The following RIPK4 variants were observed in gnomAD, a reference collection of about 807,000 sequenced individuals.
RIPK4 encodes receptor-interacting serine/threonine-protein kinase 4.
RIPK4 carries 17 observed loss-of-function variants against 42.9 expected under a neutral mutation model. The observed-to-expected ratio is 0.40, with a 90% CI of 0.27 to 0.59. The LOEUF (loss-of-function observed/expected upper bound fraction) is 0.59, where lower values mean the gene tolerates loss of function less well. Among genes scored for constraint, RIPK4 ranks in the 20% least tolerant of loss-of-function variants. The probability of loss-of-function intolerance (pLI) is 0.47; values close to 1 mark genes in which losing one functional copy is unlikely to be tolerated. For missense variants in RIPK4, 897 were observed against 1,104.4 expected (o/e 0.81, Z 2.66); for synonymous variants, 498 against 499.1 (o/e 1.00, Z 0.03).
chr21:41,746,028 C>CA lies in RIPK4; in HGVS notation c.833-167dup, dbSNP rs781053701. ...GGCCCTACATGGACAATTTGCTGGC[C>CA]AAACCCAGGCCCCCCCATCGGTAAT... On this transcript the variant is annotated intron_variant, in intron 5 of 7. Transcript: ENST00000332512. The CA allele has an allele frequency of 1.4e-5, 10 of 731,738 alleles. No individual in the cohort carries two copies. In the African/African-American group the frequency reaches 1.5e-4, roughly 11 times the overall value. 45.3% of individuals were successfully genotyped at this position (731,738 alleles called of 1,614,324 possible).
At chr21:41,765,896 T>C (rs2061234714) in intron 1 of RIPK4, among the ~76,000 whole-genome samples, 1 of 152,228 alleles carries the variant, frequency 6.6e-6, no homozygotes, top group Admixed American at 6.5e-5. Context: ...AAAGAGGTAC[T>C]GTTCAAGAAC....
rs535724085 is a variant in RIPK4, at chr21:41,759,526, G to T, written c.183-2710C>A. Among the ~76,000 whole-genome samples the T allele has an allele frequency of 5.3e-5, 8 of 152,306 alleles. No individual in the cohort carries two copies. In the South Asian group the frequency reaches 1.7e-3, roughly 32 times the overall value. On this transcript the variant is annotated intron_variant, in intron 1 of 7. Transcript: ENST00000332512. ...CAGGCCACGCAAGGCAGCTGGCTGG[G>T]GTGGCCTCCAGACAATTCCCCCAGA...
Position 41,744,141 on chromosome 21 carries a change from C to T in RIPK4, c.937-1G>A, listed in dbSNP as rs1326818560. On this transcript the variant is annotated splice_acceptor_variant, in intron 6 of 7. Transcript: ENST00000332512. LOFTEE classifies it high-confidence loss of function. Reference sequence around the variant, plus strand: ...CCCGCTTGAGCCTCGCAGGCACCACCTGCGAAGATGCAGAAGAGGGGGTGG... The same window carrying T: ...CCCGCTTGAGCCTCGCAGGCACCACTTGCGAAGATGCAGAAGAGGGGGTGG... 1 of 1,581,362 alleles carries T rather than the reference C, an allele frequency of 6.3e-7. No homozygotes were observed. Among genetic ancestry groups the T allele is most frequent in the Non-Finnish European group, 8.6e-7 (1 of 1,161,564 alleles).
intron 4 of RIPK4, among the ~76,000 whole-genome samples, chr21:41,748,304 C>T (rs1317318673): frequency 6.6e-6 from 1 of 152,250 alleles, no homozygotes; most frequent in Non-Finnish European, 1.5e-5. Context: ...GGGGCTAGGC[C>T]TTGACTCTCA....
chr21:41,751,215 C>A lies in RIPK4; in HGVS notation c.505G>T (p.Gly169Trp). 1 of 1,614,206 alleles carries A rather than the reference C, an allele frequency of 6.2e-7. No homozygotes were observed. The highest frequency in any genetic ancestry group is 8.5e-7 in the Non-Finnish European group (1 of 1,180,024). Residue 169 changes from glycine to tryptophan, a missense_variant, in exon 3 of 8, where the codon GGG (glycine) becomes TGG (tryptophan). Gly to Trp is a radical substitution (Grantham distance 184). Transcript: ENST00000332512. This position sits in a 1 kb window ranked among gnomAD's most constrained non-coding sequence, Gnocchi z 4.5. The part of the protein sequence containing the change: ...ISDFGLAKCN[G>W]LSHSHDLSMD... The stretch of plus-strand genomic sequence containing the variant: ...CTGAGGTCATGCGAGTGGGACAGCC[C>A]GTTGCACTTGGCCAGACCAAAATCA...
rs773365822 is a variant in RIPK4, at chr21:41,745,799, T to G, written c.896A>C (p.His299Pro). The G allele has an allele frequency of 1.9e-6, 3 of 1,614,030 alleles. No individual in the cohort carries two copies. Among genetic ancestry groups the G allele is most frequent in the African/African-American group, 2.7e-5 (2 of 74,946 alleles). The change falls in exon 6 of 8, where the codon CAT (histidine) becomes CCT (proline). Residue 299 changes from histidine (H) to proline (P), a missense_variant. Physicochemically the swap from His to Pro is moderately conservative, Grantham distance 77. Transcript: ENST00000332512. ...CGGGGGGCTTTTCACGTCCAGATCA[T>G]GAGCAGTTTCTTTCACTTCGTCATC... ...KPDDEVKETA[H>P]DLDVKSPPEP...
chr21:41,759,912 A>G (rs1229409677), intron 1 of RIPK4, among the ~76,000 whole-genome samples: 1 of 152,198 alleles, frequency 6.6e-6, no homozygotes, highest in Non-Finnish European at 1.5e-5. Flanking sequence ...AGGCTCGGAG[A>G]TCTCAGCCTG....
At position 41,740,634 on chromosome 21, in the gene RIPK4, C is replaced by T. The variant is rs533596469; in HGVS notation, c.*204G>A. On this transcript the variant is annotated 3_prime_UTR_variant, in exon 8 of 8. Transcript: ENST00000332512. ...GCAGGTGCCTAGATCGATGATGGAGCGGGCATGTGCACCTGAGCCAGCTTC... is the reference window on the plus strand; with the variant it reads ...GCAGGTGCCTAGATCGATGATGGAGTGGGCATGTGCACCTGAGCCAGCTTC... 131 of 582,172 alleles carry T rather than the reference C, an allele frequency of 2.3e-4. No homozygotes were observed. Among genetic ancestry groups the T allele is most frequent in the Non-Finnish European group, 2.9e-4 (96 of 331,098 alleles). 36.1% of individuals were successfully genotyped at this position (582,172 alleles called of 1,614,324 possible). A position where few individuals can be genotyped will look rare whatever the true frequency, so the allele number is the denominator to read the frequency against.
rs769612688 is a variant in RIPK4, at chr21:41,741,580, C to T, written c.1613G>A (p.Arg538Gln). The T allele has an allele frequency of 6.2e-6, 10 of 1,611,712 alleles. No individual in the cohort carries two copies. Among genetic ancestry groups the T allele is most frequent in the African/African-American group, 5.3e-5 (4 of 74,950 alleles). ...ASVNEVDFEG[R>Q]TPMHVACQHG... ...CTGGCAGGCCACGTGCATGGGCGTCCGGCCCTCAAAGTCCACCTCGTTGAC... is the reference window on the plus strand; with the variant it reads ...CTGGCAGGCCACGTGCATGGGCGTCTGGCCCTCAAAGTCCACCTCGTTGAC... Residue 538 changes from arginine to glutamine, a missense_variant, in exon 8 of 8, where the codon CGG becomes CAG. Arg to Gln is a conservative substitution (Grantham distance 43). Coordinates refer to ENST00000332512, the MANE Select transcript of RIPK4 (RefSeq NM_020639.3).
intron 1 of RIPK4, among the ~76,000 whole-genome samples, chr21:41,761,910 TCCCCAGCGCA>T (rs2061221548): frequency 6.6e-6 from 1 of 151,950 alleles, no homozygotes; most frequent in South Asian, 2.1e-4. Flanking sequence ...TGCACACCCC[TCCCCAGCGCA>T]CCGAGTTCAG....
intron 2 of RIPK4, among the ~76,000 whole-genome samples, chr21:41,752,011 T>C (rs1271257199): frequency 6.6e-6 from 1 of 151,898 alleles, no homozygotes; most frequent in Non-Finnish European, 1.5e-5. Flanking sequence ...AAGGTGACCT[T>C]GGAGCTCACT....
At position 41,746,636 on chromosome 21, in the gene RIPK4, G is replaced by T. The variant is rs760641174; in HGVS notation, c.809C>A (p.Pro270Gln). ...RLMQRCWQGDPRVRPTFQEIT... is the reference protein window; with the variant it reads ...RLMQRCWQGDQRVRPTFQEIT... ...ACCTTGGAAGGTGGGCCTAACTCGC[G>T]GATCCCCCTGCCAGCACCGCTGCAT... Residue 270 changes from proline (P) to glutamine (Q), a missense_variant, in exon 5 of 8, where the codon CCG becomes CAG. By Grantham distance (76) the Pro-to-Gln change is moderately conservative (BLOSUM62 -1). Coordinates refer to ENST00000332512, the MANE Select transcript of RIPK4 (RefSeq NM_020639.3). 3.1e-6 allele frequency: 5 copies of T among 1,610,412 alleles called. No individual in the cohort carries two copies. Among genetic ancestry groups the T allele is most frequent in the East Asian group, 2.2e-5 (1 of 44,874 alleles).
At position 41,741,241 on chromosome 21, in the gene RIPK4, C is replaced by A; in HGVS notation, c.1952G>T (p.Ser651Ile). ...LHVAAETGHT[S>I]TARLLLHRGA... Reference sequence around the variant, plus strand: ...CCGATGCAGGAGCAGCCTGGCAGTGCTCGTGTGCCCCGTCTCCGCGGCCAC... The same window carrying A: ...CCGATGCAGGAGCAGCCTGGCAGTGATCGTGTGCCCCGTCTCCGCGGCCAC... Residue 651 changes from serine (S) to isoleucine (I), a missense_variant, in exon 8 of 8, where the codon AGC (serine) becomes ATC (isoleucine). Coordinates refer to ENST00000332512, the MANE Select transcript of RIPK4 (RefSeq NM_020639.3). 6.2e-7 allele frequency: 1 copy of A among 1,609,056 alleles called. No homozygotes were observed. Among genetic ancestry groups the A allele is most frequent in the South Asian group, 1.1e-5 (1 of 90,882 alleles).
intron 2 of RIPK4, among the ~76,000 whole-genome samples, chr21:41,753,318 A>G (rs1205244974): frequency 2.0e-5 from 3 of 152,238 alleles, no homozygotes; most frequent in African/African-American, 7.2e-5. Context: ...CAGAGATCTC[A>G]GCCTGGTGCT....
intron 1 of RIPK4, among the ~76,000 whole-genome samples, chr21:41,765,644 G>A (rs192165311): frequency 1.2e-4 from 19 of 152,324 alleles, no homozygotes; most frequent in Admixed American, 1.2e-3. Context: ...GGGGCTTAGC[G>A]GCCCCATCAC....
intron 2 of RIPK4, among the ~76,000 whole-genome samples, chr21:41,756,138 G>A (rs1383034504): frequency 1.3e-5 from 2 of 152,156 alleles, no homozygotes; most frequent in Non-Finnish European, 1.5e-5. Context: ...TGAGGGAAAT[G>A]CGTCCCTTTG....
At position 41,755,014 on chromosome 21, in the gene RIPK4, T is replaced by C. The variant is rs1362527944; in HGVS notation, c.474+1511A>G. ...CGCAGGTGAAGCCTCTAGCATGTCC[T>C]TTCCGGTATTCAGTGCACGTTGGAC... is the stretch of plus-strand genomic sequence containing the variant. On this transcript the variant is annotated intron_variant, in intron 2 of 7. Transcript: ENST00000332512. This position sits in a 1 kb window ranked among gnomAD's most constrained non-coding sequence, Gnocchi z 4.2. 6.6e-6 allele frequency among the ~76,000 whole-genome samples: 1 copy of C among 152,224 alleles called. No homozygotes were observed. The highest frequency in any genetic ancestry group is 2.4e-5 in the African/African-American group (1 of 41,448).
chr21:41,751,176 A>G lies in RIPK4; in HGVS notation c.544T>C (p.Phe182Leu). The G allele has an allele frequency of 6.2e-7, 1 of 1,614,230 alleles. No homozygotes were observed. Among genetic ancestry groups the G allele is most frequent in the Non-Finnish European group, 8.5e-7 (1 of 1,180,030 alleles). ...HSHDLSMDGL[F>L]GTIAYLPPER... ...GGAGGGAGGTAGGCGATTGTGCCAA[A>G]CAGGCCATCCATGCTGAGGTCATGC... Residue 182 changes from phenylalanine to leucine, a missense_variant, in exon 3 of 8, where the codon TTT becomes CTT. Phe to Leu is a conservative substitution (Grantham distance 22, BLOSUM62 0). Coordinates refer to ENST00000332512, the MANE Select transcript of RIPK4 (RefSeq NM_020639.3). This position sits in a 1 kb window ranked among gnomAD's most constrained non-coding sequence, Gnocchi z 4.5.
Position 41,756,546 on chromosome 21 carries a change from C to T in RIPK4, c.453G>A (p.Leu151=). ...CCACCTTGACGTGGTAGTGGGCATC[C>T]AGCAGGATGTTCGCGGGCTTGAGGT... ...HLDLKPANIL[L]DAHYHVKISD... is the part of the protein sequence containing the mutation. Residue 151 remains leucine, a synonymous_variant, in exon 2 of 8, where the codon CTG becomes CTA. Coordinates refer to ENST00000332512, the MANE Select transcript of RIPK4 (RefSeq NM_020639.3). The T allele has an allele frequency of 6.2e-7, 1 of 1,613,236 alleles. No homozygotes were observed. The highest frequency in any genetic ancestry group is 2.2e-5 in the East Asian group (1 of 44,880).
Sources: gnomAD v4.1 joint callset for allele counts (sites outside exome capture counted in the v4.1 genomes callset) on GRCh38, gnomAD v4.1.1 for gene constraint, Gnocchi (gnomAD v3.1) non-coding constraint, MANE v1.5 for transcripts, NCBI Gene and HGNC (gene_info 2026-07-23, HGNC 2026-07-21) for gene names.